TASP1: variants seen among roughly 807,000 people sequenced by gnomAD.
TASP1 encodes the protein taspase 1.
Under a neutral mutation model 56.6 loss-of-function variants are expected in TASP1, and 16 were observed. The ratio of observed to expected loss-of-function variants is 0.28; its 90% confidence interval spans 0.19 to 0.43. TASP1 has a LOEUF of 0.43. Among genes scored for constraint, TASP1 ranks in the 20% least tolerant of loss-of-function variants. The pLI is 1.00. For synonymous variants in TASP1, 179 were observed against 184.2 expected (o/e 0.97, Z 0.23); for missense variants, 393 against 511.6 (o/e 0.77, Z 2.24).
chr20:13,301,037 A>G, the TASP1 span, among the ~76,000 whole-genome samples: 3 of 152,304 alleles, frequency 2.0e-5, no homozygotes, highest in South Asian at 6.2e-4. Flanking sequence ...AAACATAAAG[A>G]CATTGGACCC....
At chr20:13,122,153 C>T in the TASP1 span, among the ~76,000 whole-genome samples, 20 of 152,286 alleles carry the variant, frequency 1.3e-4, no homozygotes, top group South Asian at 2.1e-4. Context: ...TTCCATTAGA[C>T]GGTCAATATT....
rs553627064 is a variant in TASP1 at position 13,509,295 on chromosome 20, C to A, written c.874+19138G>T. On this transcript the variant is annotated intron_variant, in intron 10 of 13. Coordinates refer to ENST00000337743, the MANE Select transcript of TASP1 (RefSeq NM_017714.3). ...CATGTTCTCACTTATATATAAAAAT[C>A]TAAAGTCAAGCTTATAGAAACAGAG... is the stretch of plus-strand genomic sequence containing the variant. Among the ~76,000 whole-genome samples, 45 of 152,122 alleles carry A rather than the reference C, an allele frequency of 3.0e-4. No individual in the cohort carries two copies. In the South Asian group the frequency reaches 9.1e-3, roughly 31 times the overall value.
At chr20:13,316,473 G>A in the TASP1 span, among the ~76,000 whole-genome samples, 5 of 151,742 alleles carry the variant, frequency 3.3e-5, no homozygotes, top group African/African-American at 1.2e-4. Context: ...ACCAAAACCA[G>A]ACAAAGCTAT....
intron 10 of TASP1, among the ~76,000 whole-genome samples, chr20:13,517,085 T>C (rs999717099): frequency 1.3e-5 from 2 of 152,124 alleles, no homozygotes; most frequent in Non-Finnish European, 2.9e-5. Context: ...AGCGCCACAG[T>C]GCATATTCCC....
chr20:13,515,756 T>A (rs2044504567), intron 10 of TASP1, among the ~76,000 whole-genome samples: 1 of 152,008 alleles, frequency 6.6e-6, no homozygotes. Flanking sequence ...GGGCATCAAT[T>A]TTTTCATGAC....
intron 4 of TASP1, among the ~76,000 whole-genome samples, chr20:13,621,413 A>G (rs2048712409): frequency 6.6e-6 from 1 of 152,190 alleles, no homozygotes; most frequent in South Asian, 2.1e-4. Context: ...CTTGGGCTAC[A>G]GAGTGAGAAT....
At chr20:13,123,336 A>G in the TASP1 span, among the ~76,000 whole-genome samples, 1 of 151,918 alleles carries the variant, frequency 6.6e-6, no homozygotes, top group Non-Finnish European at 1.5e-5. Flanking sequence ...GTCTAAAAAA[A>G]AAAAAAGTCA....
At chr20:13,455,528 AGAATGGTG>A (rs1414053024) in intron 11 of TASP1, among the ~76,000 whole-genome samples, 6 of 152,080 alleles carry the variant, frequency 3.9e-5, no homozygotes, top group African/African-American at 1.4e-4. Flanking sequence ...GTTGGGTGGG[AGAATGGTG>A]GAATCACTGA....
intron 4 of TASP1, among the ~76,000 whole-genome samples, chr20:13,615,967 T>G (rs575837098): frequency 1.3e-5 from 2 of 152,290 alleles, no homozygotes; most frequent in African/African-American, 4.8e-5. Context: ...TAGAAAAATC[T>G]TATTAGCCTA....
At chr20:13,626,848 T>C (rs2048910030) in intron 2 of TASP1, among the ~76,000 whole-genome samples, 1 of 152,090 alleles carries the variant, frequency 6.6e-6, no homozygotes, top group Admixed American at 6.6e-5. Context: ...GACAAGGGCA[T>C]TTAATAGCCT....
chr20:13,227,893 A>T, the TASP1 span, among the ~76,000 whole-genome samples: 36 of 151,718 alleles, frequency 2.4e-4, no homozygotes, highest in African/African-American at 8.0e-4. Context: ...CAGTTTTATT[A>T]TACTACCAAT....
the TASP1 span, among the ~76,000 whole-genome samples, chr20:13,285,885 A>C: frequency 1.3e-5 from 2 of 152,320 alleles, no homozygotes; most frequent in South Asian, 4.1e-4. Context: ...ATGTCTCTCC[A>C]AATTTGCTCT....
intron 7 of TASP1, among the ~76,000 whole-genome samples, chr20:13,561,858 T>C (rs1332685565): frequency 6.9e-6 from 1 of 145,722 alleles, no homozygotes; most frequent in Non-Finnish European, 1.5e-5. Context: ...GAATGTTAAA[T>C]GTAATCCCCA....
At chr20:13,131,166 T>C in the TASP1 span, among the ~76,000 whole-genome samples, 1 of 152,178 alleles carries the variant, frequency 6.6e-6, no homozygotes, top group Admixed American at 6.5e-5. Context: ...TTATTACTCA[T>C]GTTTAAATCT....
the TASP1 span, among the ~76,000 whole-genome samples, chr20:13,189,040 G>A: frequency 3.9e-5 from 6 of 152,076 alleles, no homozygotes; most frequent in Admixed American, 2.6e-4. Context: ...GTCACTTTAC[G>A]TTTTTTGTCT....
At chr20:13,243,388 G>T in the TASP1 span, among the ~76,000 whole-genome samples, 6 of 152,118 alleles carry the variant, frequency 3.9e-5, no homozygotes, top group Non-Finnish European at 7.3e-5. Flanking sequence ...GGATGACTTG[G>T]AAATGTATTC....
chr20:13,239,490 T>C, the TASP1 span: 14 of 152,356 alleles, frequency 9.2e-5, no homozygotes, highest in East Asian at 2.7e-3. Flanking sequence ...GGGGGAATTA[T>C]TGTGGTGTGC....
the TASP1 span, among the ~76,000 whole-genome samples, chr20:13,114,993 G>C: frequency 6.6e-6 from 1 of 152,210 alleles, no homozygotes; most frequent in Non-Finnish European, 1.5e-5. Flanking sequence ...CCTGCACAGA[G>C]CTTCAAATTA....
the TASP1 span, among the ~76,000 whole-genome samples, chr20:13,233,985 A>G: frequency 6.6e-6 from 1 of 152,296 alleles, no homozygotes; most frequent in Non-Finnish European, 1.5e-5. Flanking sequence ...TTACTTATAT[A>G]TATTTTGGGG....
Sources: gnomAD v4.1 joint callset for allele counts (sites outside exome capture counted in the v4.1 genomes callset) on GRCh38, gnomAD v4.1.1 for gene constraint, MANE v1.5 for transcripts, NCBI Gene and HGNC (gene_info 2026-07-23, HGNC 2026-07-21) for gene names.